The following XRN1 variants were observed in gnomAD, a reference collection of about 807,000 sequenced individuals.
XRN1 encodes the protein 5'-3' exoribonuclease 1, also known as strand-exchange protein 1 homolog.
XRN1 carries 67 observed loss-of-function variants against 222.3 expected under a neutral mutation model. The observed-to-expected ratio is 0.30, with a 90% CI of 0.25 to 0.37. XRN1 has a LOEUF of 0.37. XRN1 is among the 10% of genes least tolerant of loss of function. The pLI, the probability that XRN1 is intolerant of heterozygous loss-of-function variation, is 1.00. For missense variants in XRN1, 1,707 were observed against 2,000.2 expected, an observed-to-expected ratio of 0.85 and a Z score of 2.80; for synonymous variants, 643 against 652.4, an observed-to-expected ratio of 0.99 and a Z score of 0.22.
intron 20 of XRN1, among the ~76,000 whole-genome samples, chr3:142,385,650 GAAGAA>G (rs1299504724): frequency 1.3e-5 from 2 of 152,138 alleles, no homozygotes; most frequent in Non-Finnish European, 2.9e-5. Flanking sequence ...GCCCTTTACA[GAAGAA>G]GTTTGCTGAC....
intron 36 of XRN1, among the ~76,000 whole-genome samples, chr3:142,331,178 C>T (rs2065685792): frequency 6.6e-6 from 1 of 152,186 alleles, no homozygotes; most frequent in African/African-American, 2.4e-5. Context: ...TTTTTGACTT[C>T]TCTGAGAAAC....
rs1409655247 is a variant in XRN1 at position 142,318,667 on chromosome 3, G to T, written c.4546C>A (p.Pro1516Thr). The T allele has an allele frequency of 6.2e-7, 1 of 1,609,404 alleles. No individual in the cohort carries two copies. The highest frequency in any genetic ancestry group is 1.7e-4 in the Middle Eastern group (1 of 6,052). ...GGATAATTTGCAAATACTTGTGAAGGCAAAGGGAAATTCATGCCTAAGGAG... is the reference window on the plus strand; with the variant it reads ...GGATAATTTGCAAATACTTGTGAAGTCAAAGGGAAATTCATGCCTAAGGAG... ...LGSLGMNFPL[P>T]SQVFANYPSA... The change falls in exon 39 of 41, where the codon CCT becomes ACT. Residue 1516 changes from proline to threonine, a missense_variant. Around this residue, in one of 2 missense-constraint regions of XRN1, gnomAD observed 473 missense variants for 482.0 expected, o/e 0.98. Transcript: ENST00000392981.
In XRN1 at chr3:142,400,465, G is replaced by A; in HGVS notation, c.2186C>T (p.Ala729Val). ...TTACTTAGTTTCTCCATCTGATACAGCCACGACTCTAGCTTCCTCAAGGTG... is the reference window on the plus strand; with the variant it reads ...TTACTTAGTTTCTCCATCTGATACAACCACGACTCTAGCTTCCTCAAGGTG... Reference protein sequence around the residue: ...WPHLEEARVVAVSDGETKFYL... With the variant: ...WPHLEEARVVVVSDGETKFYL... The change falls in exon 19 of 41, where the codon GCT becomes GTT. Residue 729 changes from alanine (A) to valine (V), a missense_variant. Physicochemically the swap from Ala to Val is moderately conservative, Grantham distance 64. Around this residue, in one of 2 missense-constraint regions of XRN1, gnomAD observed 1,234 missense variants for 1,518.2 expected, o/e 0.81. Coordinates refer to ENST00000392981, the MANE Select transcript of XRN1 (RefSeq NM_001282857.2). 1.2e-6 allele frequency: 2 copies of A among 1,611,662 alleles called. No individual in the cohort carries two copies. The highest frequency in any genetic ancestry group is 1.7e-6 in the Non-Finnish European group (2 of 1,178,674).
chr3:142,387,819 G>T (rs2067564742), intron 20 of XRN1, among the ~76,000 whole-genome samples: 1 of 151,904 alleles, frequency 6.6e-6, no homozygotes, highest in Non-Finnish European at 1.5e-5. Flanking sequence ...AGGATACGGG[G>T]GTTTATCACT....
chr3:142,404,611 C>A (rs1282979039), intron 16 of XRN1, among the ~76,000 whole-genome samples: 3 of 151,914 alleles, frequency 2.0e-5, no homozygotes, highest in African/African-American at 7.3e-5. Context: ...CATATCCATT[C>A]GAGGGAGACA....
At chr3:142,366,057 T>G (rs963746360) in intron 27 of XRN1, among the ~76,000 whole-genome samples, 4 of 152,198 alleles carry the variant, frequency 2.6e-5, no homozygotes, top group Admixed American at 6.5e-5. Flanking sequence ...TTCTCCTATC[T>G]TTGATACTTG....
At position 142,422,605 on chromosome 3, in the gene XRN1, A is replaced by G. The variant is rs763165334; in HGVS notation, c.944T>C (p.Val315Ala). Residue 315 changes from valine (V) to alanine (A), a missense_variant, in exon 8 of 41, where the codon GTT becomes GCT. Val to Ala is a moderately conservative substitution (Grantham distance 64). Transcript: ENST00000392981. ...DALPLLYGTY[V>A]TILPELGGYI... ...ACCCCCAAGTTCTGGCAGGATGGTA[A>G]CATATGTTCCATAAAGAAGAGGCAG... 6.2e-7 allele frequency: 1 copy of G among 1,613,464 alleles called. No homozygotes were observed. Among genetic ancestry groups the G allele is most frequent in the Admixed American group, 1.7e-5 (1 of 59,898 alleles).
In XRN1 at chr3:142,370,583, CT is replaced by C; in HGVS notation, c.3105del (p.Gly1036AspfsTer43). On this transcript the variant is annotated frameshift_variant, in exon 27 of 41. Transcript: ENST00000392981. LOFTEE classifies it high-confidence loss of function. ...CGAGATAAAGTACTGACAGGATGTC[CT>C]TTTAGCCAAGTAATAATTTCTTGAA... Reference protein sequence around the residue: ...EKVQEIITWLKGHPVSTLSRS... With the variant: ...EKVQEIITWLXGHPVSTLSRS... 1 of 1,592,732 alleles carries C rather than the reference CT, an allele frequency of 6.3e-7. No homozygotes were observed. The highest frequency in any genetic ancestry group is 1.8e-5 in the Admixed American group (1 of 55,148).
intron 2 of XRN1, among the ~76,000 whole-genome samples, chr3:142,428,648 GA>G (rs1476209347): frequency 6.6e-6 from 1 of 152,170 alleles, no homozygotes; most frequent in African/African-American, 2.4e-5. Flanking sequence ...GAGGAATGAG[GA>G]AGAGCAAGAA....
chr3:142,344,412 A>C (rs2066082569), intron 33 of XRN1, among the ~76,000 whole-genome samples: 1 of 152,130 alleles, frequency 6.6e-6, no homozygotes, highest in Non-Finnish European at 1.5e-5. Context: ...AAAGGCAAGG[A>C]TGCATGTTCT....
In XRN1 at chr3:142,356,991, T is replaced by C. The variant is rs775051276; in HGVS notation, c.3593A>G (p.His1198Arg). The change falls in exon 31 of 41, where the codon CAT (histidine) becomes CGT (arginine). Residue 1198 changes from histidine (H) to arginine (R), a missense_variant. Physicochemically the swap from His to Arg is conservative, Grantham distance 29 (BLOSUM62 0). Coordinates refer to ENST00000392981, the MANE Select transcript of XRN1 (RefSeq NM_001282857.2). ...IVKPQPAVHQHSSSSSVSSGH... is the reference protein window; with the variant it reads ...IVKPQPAVHQRSSSSSVSSGH... The stretch of plus-strand genomic sequence containing the variant: ...AGAGGAAACTGATGAACTTGAGCTA[T>C]GTTGATGTACAGCTGGTTGTGGTTT... 8 of 1,614,018 alleles carry C rather than the reference T, an allele frequency of 5.0e-6. No individual in the cohort carries two copies. Among genetic ancestry groups the C allele is most frequent in the East Asian group, 2.2e-5 (1 of 44,878 alleles).
intron 2 of XRN1, among the ~76,000 whole-genome samples, chr3:142,431,892 A>ATTT (rs2069574140): frequency 3.5e-5 from 1 of 28,882 alleles, no homozygotes; most frequent in East Asian, 8.6e-4. Context: ...TATTATATAT[A>ATTT]ATATATATAT....
chr3:142,414,989 TAAGCA>T lies in XRN1; in HGVS notation c.1437-703_1437-699del, dbSNP rs1306703235. Reference sequence around the variant, plus strand: ...TTTGGTCACTTGAGCCTGGATCATTTAAGCAAGAGACTAAAAACAGTTGAACGTTC... The same window carrying T: ...TTTGGTCACTTGAGCCTGGATCATTTAGAGACTAAAAACAGTTGAACGTTC... On this transcript the variant is annotated intron_variant, in intron 13 of 40. Transcript: ENST00000392981. Among the ~76,000 whole-genome samples, 10 of 152,322 alleles carry T rather than the reference TAAGCA, an allele frequency of 6.6e-5. No homozygotes were observed. In the East Asian group the frequency reaches 1.9e-3, roughly 29 times the overall value.
Position 142,375,940 on chromosome 3 carries a change from G to A in XRN1, c.2836C>T (p.His946Tyr). 1 of 1,612,156 alleles carries A rather than the reference G, an allele frequency of 6.2e-7. No homozygotes were observed. Among genetic ancestry groups the A allele is most frequent in the Non-Finnish European group, 8.5e-7 (1 of 1,179,388 alleles). ...FIGRGSRRNP[H>Y]GDHKANVGLN... ...CCCACATTTGCTTTATGGTCTCCAT[G>A]AGGGCTGAATTTAAACCACACATGC... The change falls in exon 25 of 41, where the codon CAT becomes TAT. Residue 946 changes from histidine to tyrosine, a missense_variant. Around this residue, in one of 2 missense-constraint regions of XRN1, gnomAD observed 1,234 missense variants for 1,518.2 expected, o/e 0.81. Coordinates refer to ENST00000392981, the MANE Select transcript of XRN1 (RefSeq NM_001282857.2).
chr3:142,363,212 TAGA>T (rs2066704276), intron 29 of XRN1, among the ~76,000 whole-genome samples: 1 of 152,122 alleles, frequency 6.6e-6, no homozygotes, highest in African/African-American at 2.4e-5. Flanking sequence ...CTAATTTCTA[TAGA>T]AGATGTAAGG....
chr3:142,383,221 T>C, intron 22 of XRN1, 79 bp downstream of exon 22: 1 of 1,111,708 alleles, frequency 9.0e-7, no homozygotes, highest in South Asian at 1.4e-5. Context: ...TATATTTTAA[T>C]TTAAACCTAA....
chr3:142,387,249 T>G (rs374386461), intron 20 of XRN1, among the ~76,000 whole-genome samples: 7 of 152,178 alleles, frequency 4.6e-5, no homozygotes, highest in African/African-American at 1.7e-4. Context: ...TTATACTGCA[T>G]AAAGTTCAAA....
intron 22 of XRN1, among the ~76,000 whole-genome samples, chr3:142,382,782 T>C (rs997624891): frequency 9.2e-5 from 14 of 152,262 alleles, no homozygotes; most frequent in African/African-American, 4.8e-5. Flanking sequence ...TATATATATA[T>C]ACACATATAT....
intron 39 of XRN1, among the ~76,000 whole-genome samples, chr3:142,316,717 T>A (rs2065219833): frequency 2.0e-5 from 3 of 152,180 alleles, no homozygotes; most frequent in Admixed American, 2.0e-4. Flanking sequence ...TTTGGTTTCC[T>A]AATTTTCTTT....
Sources: gnomAD v4.1 joint callset for allele counts (sites outside exome capture counted in the v4.1 genomes callset) on GRCh38, gnomAD v4.1.1 for gene constraint, gnomAD v4.1.1 regional missense constraint, MANE v1.5 for transcripts, NCBI Gene and HGNC (gene_info 2026-07-23, HGNC 2026-07-21) for gene names.